Variants in OR4F3 observed in about 807,000 individuals in gnomAD.
OR4F3 encodes olfactory receptor 4F3/4F16/4F29.
chr5:181,364,108 T>A (rs1300761747), upstream of OR4F3, among the ~76,000 whole-genome samples: 1 of 31,216 alleles, frequency 3.2e-5, no homozygotes, highest in Admixed American at 2.9e-4. Context: ...GCTCTTTTAT[T>A]TTTAAATCAT....
chr5:181,359,652 C>T, the OR4F3 span, among the ~76,000 whole-genome samples: 1 of 132,306 alleles, frequency 7.6e-6, no homozygotes, highest in Non-Finnish European at 1.6e-5. Context: ...GCGGTAATTC[C>T]CCAGGCCGTG....
the OR4F3 span, among the ~76,000 whole-genome samples, chr5:181,359,163 C>T: frequency 7.7e-6 from 1 of 129,694 alleles, no homozygotes; most frequent in African/African-American, 3.3e-5. Flanking sequence ...TGAGAGAATC[C>T]TAAATTCATA....
At chr5:181,361,006 A>G in the OR4F3 span, among the ~76,000 whole-genome samples, 1 of 116,222 alleles carries the variant, frequency 8.6e-6, no homozygotes, top group African/African-American at 4.1e-5. Flanking sequence ...TCACCTGAGC[A>G]TCTCAATATC....
the OR4F3 span, among the ~76,000 whole-genome samples, chr5:181,360,942 A>AT: frequency 8.3e-6 from 1 of 120,512 alleles, no homozygotes; most frequent in Admixed American, 7.8e-5. Flanking sequence ...ATGGATTACT[A>AT]TACAATTACA....
At chr5:181,356,624 A>G in the OR4F3 span, among the ~76,000 whole-genome samples, 2 of 135,922 alleles carry the variant, frequency 1.5e-5, 1 homozygote. Context: ...CCTGCAGGAA[A>G]ACCTTTGTTC....
chr5:181,358,206 AT>A, the OR4F3 span, among the ~76,000 whole-genome samples: 1 of 124,054 alleles, frequency 8.1e-6, no homozygotes, highest in African/African-American at 3.5e-5. Flanking sequence ...TATAATTTGT[AT>A]GTTCTGTACC....
chr5:181,355,634 G>C, the OR4F3 span, among the ~76,000 whole-genome samples: 40 of 102,920 alleles, frequency 3.9e-4, no homozygotes, highest in African/African-American at 1.6e-3. Context: ...AGCAGTCAAA[G>C]AGCCCACCCA....
the OR4F3 span, among the ~76,000 whole-genome samples, chr5:181,354,526 G>A: frequency 7.9e-6 from 1 of 125,844 alleles, no homozygotes; most frequent in African/African-American, 3.3e-5. Flanking sequence ...GAATGGAAAT[G>A]TGGGGTTGAA....
At chr5:181,363,667 C>G (rs865814218), upstream of OR4F3, among the ~76,000 whole-genome samples, 521 of 81,072 alleles carry the variant, frequency 6.4e-3, 6 homozygotes, top group South Asian at 0.021. Flanking sequence ...ATTTCATGTG[C>G]CTTCTTTGTT....
the OR4F3 span, among the ~76,000 whole-genome samples, chr5:181,354,485 C>T: frequency 7.5e-6 from 1 of 132,768 alleles, no homozygotes; most frequent in Non-Finnish European, 1.6e-5. Flanking sequence ...CAGGGGTGGT[C>T]TTCATGGAGA....
chr5:181,356,988 T>C, the OR4F3 span, among the ~76,000 whole-genome samples: 1 of 135,584 alleles, frequency 7.4e-6, no homozygotes, highest in Non-Finnish European at 1.6e-5. Context: ...ATGTACCTAT[T>C]TTCTTTTAAT....
At chr5:181,357,293 C>T in the OR4F3 span, among the ~76,000 whole-genome samples, 474 of 133,656 alleles carry the variant, frequency 3.5e-3, 48 homozygotes, top group Non-Finnish European at 6.1e-3. Context: ...CTATCTTTCT[C>T]TTCTTATTTT....
At chr5:181,363,587 T>A (rs1255344462), upstream of OR4F3, among the ~76,000 whole-genome samples, 31 of 94,598 alleles carry the variant, frequency 3.3e-4, 6 homozygotes, top group Non-Finnish European at 4.0e-4. Flanking sequence ...GAAATAACTC[T>A]ACTGTGACCT....
At chr5:181,361,848 A>C in the OR4F3 span, among the ~76,000 whole-genome samples, 3 of 101,070 alleles carry the variant, frequency 3.0e-5, no homozygotes, top group South Asian at 3.9e-4. Context: ...GCCACTGCAC[A>C]TGGCCTGATT....
the OR4F3 span, among the ~76,000 whole-genome samples, chr5:181,359,395 C>G: frequency 8.3e-5 from 8 of 96,022 alleles, no homozygotes; most frequent in South Asian, 2.8e-3. Flanking sequence ...TAATCTCATA[C>G]TTTCAATTAC....
chr5:181,357,091 T>C, the OR4F3 span, among the ~76,000 whole-genome samples: 1 of 134,750 alleles, frequency 7.4e-6, no homozygotes, highest in East Asian at 2.0e-4. Flanking sequence ...ATTGACTCTT[T>C]TAATATAGTT....
chr5:181,356,457 T>C, the OR4F3 span, among the ~76,000 whole-genome samples: 1 of 133,164 alleles, frequency 7.5e-6, no homozygotes. Context: ...AAATCATTCT[T>C]CTGCTTAGTA....
chr5:181,362,288 T>C (rs1182959786), upstream of OR4F3, among the ~76,000 whole-genome samples: 1 of 109,242 alleles, frequency 9.2e-6, no homozygotes, highest in Non-Finnish European at 1.7e-5. Context: ...ATCTACCAAT[T>C]CTCCTGTCTA....
chr5:181,362,023 CAG>C, the OR4F3 span, among the ~76,000 whole-genome samples: 1 of 104,356 alleles, frequency 9.6e-6, no homozygotes, highest in South Asian at 3.5e-4. Context: ...ATACTGGAAA[CAG>C]AACATAACTG....
Sources: gnomAD v4.1 joint callset for allele counts (sites outside exome capture counted in the v4.1 genomes callset) on GRCh38, gnomAD v4.1.1 for gene constraint, MANE v1.5 for transcripts, NCBI Gene and HGNC (gene_info 2026-07-23, HGNC 2026-07-21) for gene names.